The following SNAP47 variants were observed in gnomAD, a reference collection of about 807,000 sequenced individuals.
The protein encoded by SNAP47 is synaptosomal-associated protein 47.
Under a neutral mutation model 31.4 loss-of-function variants are expected in SNAP47, and 20 were observed. The observed-to-expected ratio is 0.64, with a 90% CI of 0.45 to 0.93. The LOEUF is 0.93. Among genes scored for constraint, SNAP47 ranks in the 40% least tolerant of loss-of-function variants. SNAP47 has a pLI of 0.00. For missense variants in SNAP47, 492 were observed against 528.5 expected (o/e 0.93, Z 0.68); for synonymous variants, 194 against 213.4 (o/e 0.91, Z 0.79).
intron 4 of SNAP47, chr1:227,776,576 C>G: frequency 1.0e-6 from 1 of 985,514 alleles, no homozygotes; most frequent in Non-Finnish European, 1.2e-6. Context: ...CGCAGAGGAA[C>G]AACTGTTTCT....
intron 4 of SNAP47, among the ~76,000 whole-genome samples, chr1:227,778,726 G>A (rs1248581577): frequency 6.6e-6 from 1 of 152,198 alleles, no homozygotes; most frequent in Non-Finnish European, 1.5e-5. Flanking sequence ...TGGGCCACGT[G>A]AGATCATGGG....
At chr1:227,773,127 A>ATTTTTTT (rs34140624) in intron 4 of SNAP47, among the ~76,000 whole-genome samples, 10 of 102,370 alleles carry the variant, frequency 9.8e-5, no homozygotes, top group East Asian at 3.0e-4. Context: ...CGTCCAGCTA[A>ATTTTTTT]TTTTTTTTTT....
chr1:227,735,472 G>A lies in SNAP47; in HGVS notation c.-73G>A, dbSNP rs1405550179. The A allele has an allele frequency of 4.9e-6, 7 of 1,431,000 alleles. No individual in the cohort carries two copies. Among genetic ancestry groups the A allele is most frequent in the Non-Finnish European group, 9.1e-7 (1 of 1,102,938 alleles). 88.6% of individuals were successfully genotyped at this position (1,431,000 alleles called of 1,614,324 possible). ...CCGAGCGGCCGAGGCGCCGCGGTCG[G>A]CTCTGGGACTCGTCTGGCGTCCCTC... On this transcript the variant is annotated 5_prime_UTR_variant, in exon 1 of 5. Transcript: ENST00000617596.
At chr1:227,778,873 G>A (rs897959467) in intron 4 of SNAP47, among the ~76,000 whole-genome samples, 15 of 152,232 alleles carry the variant, frequency 9.9e-5, no homozygotes, top group Admixed American at 1.3e-4. Flanking sequence ...GCCAGCTCCC[G>A]AGGGTGTAGA....
At chr1:227,757,696 A>G (rs1039191842) in intron 2 of SNAP47, among the ~76,000 whole-genome samples, 2 of 152,226 alleles carry the variant, frequency 1.3e-5, no homozygotes, top group African/African-American at 4.8e-5. Flanking sequence ...TGCAATAACT[A>G]ATGTGATGAG....
At chr1:227,743,327 G>C (rs1405469763) in intron 1 of SNAP47, among the ~76,000 whole-genome samples, 1 of 152,156 alleles carries the variant, frequency 6.6e-6, no homozygotes, top group Non-Finnish European at 1.5e-5. Flanking sequence ...ATCTCCTAGA[G>C]CCTTCCTGGG....
chr1:227,733,675 C>T (rs754677509), upstream of SNAP47: 9 of 1,600,082 alleles, frequency 5.6e-6, no homozygotes, highest in Admixed American at 3.3e-5. Flanking sequence ...CAGCATGGAA[C>T]GGGGACCTGC....
upstream of SNAP47, chr1:227,734,494 A>T: frequency 1.6e-6 from 1 of 643,360 alleles, no homozygotes; most frequent in African/African-American, 1.8e-5. Flanking sequence ...ACTTGCAGCC[A>T]TGCGGAAGAC....
intron 4 of SNAP47, among the ~76,000 whole-genome samples, chr1:227,777,572 G>T (rs1384454801): frequency 1.3e-5 from 2 of 152,190 alleles, no homozygotes; most frequent in East Asian, 3.8e-4. Context: ...TATAAAAGAA[G>T]AATATGATGT....
At chr1:227,732,739 C>T (rs544545668), upstream of SNAP47, 44 of 1,595,832 alleles carry the variant, frequency 2.8e-5, no homozygotes, top group East Asian at 3.1e-4. Flanking sequence ...GCAAAGGACC[C>T]GACATGCGCC....
At chr1:227,771,484 G>T (rs887203697) in intron 4 of SNAP47, among the ~76,000 whole-genome samples, 4 of 152,160 alleles carry the variant, frequency 2.6e-5, no homozygotes, top group Non-Finnish European at 4.4e-5. Context: ...TGGACCAGGT[G>T]TGGGGGCCCT....
At chr1:227,775,089 C>T (rs1252261724) in intron 4 of SNAP47, among the ~76,000 whole-genome samples, 1 of 152,208 alleles carries the variant, frequency 6.6e-6, no homozygotes, top group East Asian at 1.9e-4. Context: ...GCATCTGCCC[C>T]CCCGGCTAGT....
upstream of SNAP47, chr1:227,730,389 G>A (rs1482818383): frequency 2.0e-5 from 3 of 151,822 alleles, no homozygotes; most frequent in Admixed American, 6.6e-5. Context: ...TCTGCACAGC[G>A]GCTGCCCCAC....
chr1:227,760,534 C>T (rs915173916), intron 3 of SNAP47, among the ~76,000 whole-genome samples: 1 of 152,218 alleles, frequency 6.6e-6, no homozygotes, highest in African/African-American at 2.4e-5. Flanking sequence ...GGCAGACACC[C>T]TGGGTCTTGG....
chr1:227,745,704 A>C (rs1354673655), intron 1 of SNAP47: 1 of 152,198 alleles, frequency 6.6e-6, no homozygotes, highest in African/African-American at 2.4e-5. Context: ...TCAGTGTCAC[A>C]GCTGGAGAGC....
At chr1:227,728,765 G>A (rs1396195331) in exon 1 of SNAP47, 5 of 152,062 alleles carry the variant, frequency 3.3e-5, no homozygotes, top group Admixed American at 6.6e-5. Flanking sequence ...TCGCTGTGGC[G>A]GGAAGATGGC....
chr1:227,734,450 GAAA>G, upstream of SNAP47: 1 of 449,514 alleles, frequency 2.2e-6, no homozygotes, highest in Non-Finnish European at 3.9e-6. Flanking sequence ...AAAAAAAAAG[GAAA>G]AAAAACCATA....
chr1:227,755,341 C>G (rs1241802756), intron 2 of SNAP47, among the ~76,000 whole-genome samples: 2 of 152,020 alleles, frequency 1.3e-5, no homozygotes, highest in African/African-American at 4.8e-5. Context: ...GTAGCTGGAC[C>G]ACAGGCATGC....
chr1:227,761,970 G>A (rs1380183396), intron 3 of SNAP47, among the ~76,000 whole-genome samples: 1 of 152,170 alleles, frequency 6.6e-6, no homozygotes, highest in Non-Finnish European at 1.5e-5. Flanking sequence ...TCAGGATTCA[G>A]GACTGATGGC....
Sources: allele counts gnomAD v4.1 joint callset (sites outside exome capture counted in the v4.1 genomes callset), GRCh38; gene constraint gnomAD v4.1.1; transcripts MANE v1.5; gene names NCBI Gene and HGNC (gene_info 2026-07-23, HGNC 2026-07-21).